Variants in HDAC9 observed in about 807,000 individuals in gnomAD.
The protein encoded by HDAC9 is MEF-2 interacting transcription repressor (MITR) protein.
In HDAC9, 41 loss-of-function variants were observed where a neutral mutation model predicts 139.4. That is an observed-to-expected ratio of 0.29 (90% confidence interval 0.23 to 0.38). The LOEUF (loss-of-function observed/expected upper bound fraction) is 0.38. Ranked by LOEUF, HDAC9 falls within the 10% of genes least tolerant of loss-of-function variation. The pLI is 1.00. For synonymous variants in HDAC9, 517 were observed against 476.2 expected, an observed-to-expected ratio of 1.09 and a Z score of -1.12; for missense variants, 1,147 against 1,297.0, an observed-to-expected ratio of 0.88 and a Z score of 1.78.
intron 1 of HDAC9, among the ~76,000 whole-genome samples, chr7:18,466,500 C>A (rs1312927066): frequency 1.3e-5 from 2 of 151,782 alleles, no homozygotes; most frequent in African/African-American, 4.9e-5. Flanking sequence ...CTGGCCACAG[C>A]CCTTTTTCTT....
chr7:18,720,452 C>T (rs1785055473), intron 12 of HDAC9, among the ~76,000 whole-genome samples: 1 of 151,450 alleles, frequency 6.6e-6, no homozygotes, highest in South Asian at 2.1e-4. Flanking sequence ...TAACGGCTTT[C>T]TTACTGAGTG....
At chr7:18,846,485 A>C (rs532980894) in intron 21 of HDAC9, among the ~76,000 whole-genome samples, 1 of 152,252 alleles carries the variant, frequency 6.6e-6, no homozygotes, top group South Asian at 2.1e-4. Flanking sequence ...ATGTAAGCCC[A>C]TTATAGACTA....
intron 11 of HDAC9, among the ~76,000 whole-genome samples, chr7:18,655,057 C>T (rs62446570): frequency 0.037 from 5,577 of 152,212 alleles, 178 homozygotes; most frequent in Non-Finnish European, 0.055. Flanking sequence ...TGGAAGTTAC[C>T]GACTTCATCA....
intron 22 of HDAC9, among the ~76,000 whole-genome samples, chr7:18,892,939 T>C (rs1800812422): frequency 6.9e-6 from 1 of 145,044 alleles, no homozygotes; most frequent in African/African-American, 2.5e-5. Context: ...CATTTTTTTT[T>C]CCTCCCAGGT....
At chr7:18,240,313 G>A (rs302140) in intron 2 of HDAC9, among the ~76,000 whole-genome samples, 112,595 of 151,744 alleles carry the variant, frequency 0.74, 41,803 homozygotes, top group South Asian at 0.85. Flanking sequence ...TTTTCTACTG[G>A]GGTCCTGGAT....
chr7:18,687,293 A>C (rs1351007266), intron 12 of HDAC9, among the ~76,000 whole-genome samples: 1 of 151,862 alleles, frequency 6.6e-6, no homozygotes, highest in Non-Finnish European at 1.5e-5. Context: ...GGTACCATTT[A>C]AATAAATCTT....
At chr7:18,212,723 G>C (rs754942476) in intron 2 of HDAC9, among the ~76,000 whole-genome samples, 36 of 152,282 alleles carry the variant, frequency 2.4e-4, no homozygotes, top group Non-Finnish European at 8.8e-5. Flanking sequence ...CAGGGAGCAG[G>C]TAAGTTCCAA....
chr7:18,624,886 T>C (rs542755321), intron 6 of HDAC9, among the ~76,000 whole-genome samples: 2 of 152,134 alleles, frequency 1.3e-5, no homozygotes, highest in African/African-American at 2.4e-5. Flanking sequence ...TTAATATCTC[T>C]CATGACCCAA....
intron 1 of HDAC9, among the ~76,000 whole-genome samples, chr7:18,414,473 G>C (rs570183791): frequency 2.0e-5 from 3 of 151,564 alleles, no homozygotes; most frequent in African/African-American, 7.3e-5. Flanking sequence ...CTAACTACAA[G>C]GACATACCTT....
chr7:18,747,178 A>G (rs1322117717), intron 13 of HDAC9, among the ~76,000 whole-genome samples: 3 of 152,170 alleles, frequency 2.0e-5, no homozygotes, highest in African/African-American at 7.2e-5. Context: ...AGCTGGAAAG[A>G]TGGGGAGGGG....
At chr7:18,726,395 G>A (rs1785549523) in intron 12 of HDAC9, among the ~76,000 whole-genome samples, 1 of 152,172 alleles carries the variant, frequency 6.6e-6, no homozygotes, top group Non-Finnish European at 1.5e-5. Context: ...TAACTAAGGA[G>A]AAGTAATGTC....
At chr7:18,350,515 C>G (rs1782771077) in intron 1 of HDAC9, among the ~76,000 whole-genome samples, 1 of 152,174 alleles carries the variant, frequency 6.6e-6, no homozygotes, top group African/African-American at 2.4e-5. Context: ...ACTCTCCCTT[C>G]TCTCCTTATT....
intron 12 of HDAC9, among the ~76,000 whole-genome samples, chr7:18,675,921 T>G (rs1440217464): frequency 6.6e-6 from 1 of 151,908 alleles, no homozygotes; most frequent in Non-Finnish European, 1.5e-5. Flanking sequence ...GAATCCTGGA[T>G]TTTTTTTCAC....
At chr7:18,411,510 G>C (rs1250848626) in intron 1 of HDAC9, among the ~76,000 whole-genome samples, 1 of 152,020 alleles carries the variant, frequency 6.6e-6, no homozygotes, top group Non-Finnish European at 1.5e-5. Context: ...ATGTAGCTGG[G>C]GCTACAGGTG....
chr7:18,898,464 G>T (rs1801411315), intron 22 of HDAC9, among the ~76,000 whole-genome samples: 1 of 151,818 alleles, frequency 6.6e-6, no homozygotes, highest in Admixed American at 6.6e-5. Context: ...TGTTAATAGT[G>T]TTTGAGGTAT....
At chr7:18,155,623 A>G (rs768680501) in intron 1 of HDAC9, among the ~76,000 whole-genome samples, 53 of 152,180 alleles carry the variant, frequency 3.5e-4, no homozygotes, top group Non-Finnish European at 7.2e-4. Flanking sequence ...GCCTGTTCTT[A>G]AATGGTTCTC....
At chr7:18,928,594 A>G (rs1804442125) in intron 22 of HDAC9, among the ~76,000 whole-genome samples, 1 of 152,136 alleles carries the variant, frequency 6.6e-6, no homozygotes, top group Non-Finnish European at 1.5e-5. Context: ...TTAAATATCT[A>G]AAAACAGAAT....
chr7:18,547,654 T>C (rs1482117407), intron 2 of HDAC9, among the ~76,000 whole-genome samples: 5 of 152,218 alleles, frequency 3.3e-5, no homozygotes, highest in Non-Finnish European at 5.9e-5. Context: ...GCATTTGACC[T>C]ACACTAGAAC....
intron 2 of HDAC9, among the ~76,000 whole-genome samples, chr7:18,522,553 C>T (rs1292288485): frequency 1.5e-5 from 2 of 134,528 alleles, no homozygotes; most frequent in Admixed American, 7.6e-5. Context: ...TCATAAAGCT[C>T]AATTGTTAAT....
Sources: gnomAD v4.1 joint callset for allele counts (sites outside exome capture counted in the v4.1 genomes callset) on GRCh38, gnomAD v4.1.1 for gene constraint, MANE v1.5 for transcripts, NCBI Gene and HGNC (gene_info 2026-07-23, HGNC 2026-07-21) for gene names.